Variants in SEPTIN7 observed in about 807,000 individuals in gnomAD.
SEPTIN7 encodes the protein septin 7.
Under a neutral mutation model 63.3 loss-of-function variants are expected in SEPTIN7, and 10 were observed. The ratio of observed to expected loss-of-function variants is 0.16; its 90% CI spans 0.10 to 0.27. SEPTIN7 has a LOEUF of 0.27. Among genes scored for constraint, SEPTIN7 ranks in the 10% least tolerant of loss-of-function variants. SEPTIN7 has a pLI of 1.00. For missense variants in SEPTIN7, 310 were observed against 521.0 expected (o/e 0.59, Z 3.94); for synonymous variants, 131 against 165.3 (o/e 0.79, Z 1.59).
At chr7:35,877,765 C>T (rs1057016170) in intron 6 of SEPTIN7, among the ~76,000 whole-genome samples, 2 of 152,270 alleles carry the variant, frequency 1.3e-5, no homozygotes, top group African/African-American at 4.8e-5. Context: ...TGGGCACCTT[C>T]TTGAGTGTTA....
intron 4 of SEPTIN7, 150 bp downstream of exon 4, chr7:35,863,808 A>T (rs11983171): frequency 0.021 from 7,794 of 369,106 alleles, 242 homozygotes; most frequent in East Asian, 0.09. Context: ...CATAAAATTT[A>T]AAAAAAAAAG....
intron 3 of SEPTIN7, among the ~76,000 whole-genome samples, chr7:35,842,269 G>T (rs1371710914): frequency 6.6e-6 from 1 of 151,800 alleles, no homozygotes; most frequent in Non-Finnish European, 1.5e-5. Flanking sequence ...AGATTGGAAA[G>T]GTATAACCTG....
At chr7:35,843,408 G>A (rs1352305589) in intron 3 of SEPTIN7, among the ~76,000 whole-genome samples, 1 of 152,102 alleles carries the variant, frequency 6.6e-6, no homozygotes, top group African/African-American at 2.4e-5. Flanking sequence ...CTGGGCCACT[G>A]TGGATTTCTC....
At chr7:35,879,358 C>T (rs1786690211) in intron 6 of SEPTIN7, among the ~76,000 whole-genome samples, 1 of 151,872 alleles carries the variant, frequency 6.6e-6, no homozygotes, top group South Asian at 2.1e-4. Flanking sequence ...GTGGTGTGCA[C>T]CTGTAGTCCC....
chr7:35,863,175 A>G (rs748615657), intron 3 of SEPTIN7, among the ~76,000 whole-genome samples: 8 of 152,090 alleles, frequency 5.3e-5, no homozygotes, highest in South Asian at 2.1e-4. Flanking sequence ...TTGATCATTC[A>G]TTATTGTCTA....
intron 3 of SEPTIN7, among the ~76,000 whole-genome samples, chr7:35,854,109 G>A (rs1044957174): frequency 6.6e-6 from 1 of 152,052 alleles, no homozygotes; most frequent in Non-Finnish European, 1.5e-5. Flanking sequence ...TTTCAGATTA[G>A]GGATGCTGAA....
rs537617191 is a variant in SEPTIN7 at position 35,808,303 on chromosome 7, A to T, written c.61+7033A>T. ...GTTCTTCCAAAGGTGTTTTTTGCAT[A>T]TGGAAGTTAAAAACATTTATCCTTC... On this transcript the variant is annotated intron_variant, in intron 1 of 13. Transcript: ENST00000350320. Among the ~76,000 whole-genome samples the T allele has an allele frequency of 5.9e-5, 9 of 152,270 alleles. No homozygotes were observed. In the South Asian group the frequency reaches 1.9e-3, roughly 32 times the overall value.
chr7:35,804,404 G>T (rs1393577251), intron 1 of SEPTIN7, among the ~76,000 whole-genome samples: 1 of 152,210 alleles, frequency 6.6e-6, no homozygotes, highest in African/African-American at 2.4e-5. Context: ...GGGCCAAAGA[G>T]GCAGCTTGGC....
chr7:35,869,637 T>G (rs1397544861), intron 4 of SEPTIN7, among the ~76,000 whole-genome samples: 1 of 152,242 alleles, frequency 6.6e-6, no homozygotes, highest in Non-Finnish European at 1.5e-5. Context: ...TATGACACTG[T>G]ATAATAAACA....
intron 5 of SEPTIN7, 135 bp downstream of exon 5, chr7:35,872,901 T>C: frequency 3.2e-6 from 2 of 619,708 alleles, no homozygotes; most frequent in Non-Finnish European, 5.7e-6. Flanking sequence ...CTTGGGTTTG[T>C]ATACCAACTT....
intron 3 of SEPTIN7, among the ~76,000 whole-genome samples, chr7:35,841,928 T>C (rs1228729424): frequency 1.3e-5 from 2 of 152,194 alleles, no homozygotes; most frequent in African/African-American, 4.8e-5. Context: ...GGTGGGTCCA[T>C]CGTTTTCTTA....
At chr7:35,878,011 G>C (rs1171144696) in intron 6 of SEPTIN7, among the ~76,000 whole-genome samples, 3 of 152,078 alleles carry the variant, frequency 2.0e-5, no homozygotes, top group Non-Finnish European at 4.4e-5. Context: ...ATTGAATACT[G>C]TACTGAAAGT....
chr7:35,826,485 C>A (rs1783523681), intron 1 of SEPTIN7, among the ~76,000 whole-genome samples: 1 of 151,466 alleles, frequency 6.6e-6, no homozygotes, highest in Non-Finnish European at 1.5e-5. Flanking sequence ...TACAAAGTTA[C>A]TAATGTAAAC....
At chr7:35,832,987 A>G (rs1783905913) in intron 3 of SEPTIN7, 87 bp downstream of exon 3, 3 of 749,104 alleles carry the variant, frequency 4.0e-6, no homozygotes, top group Non-Finnish European at 7.2e-6. Context: ...AAACACTGGC[A>G]CAGATATCTA....
intron 10 of SEPTIN7, among the ~76,000 whole-genome samples, chr7:35,888,511 A>T (rs1583630039): frequency 6.6e-6 from 1 of 152,082 alleles, no homozygotes; most frequent in African/African-American, 2.4e-5. Flanking sequence ...TGCAGTGATG[A>T]TATGTAATAT....
chr7:35,879,863 GA>G lies in SEPTIN7; in HGVS notation c.558del (p.Val187Ter). 6.3e-7 allele frequency: 1 copy of G among 1,599,590 alleles called. No individual in the cohort carries two copies. Among genetic ancestry groups the G allele is most frequent in the Non-Finnish European group, 8.5e-7 (1 of 1,172,078 alleles). ...TATTGAGTTTATGAAGCGTTTGCAT[GA>G]AAAAGTGAATATCATCCCACTTATT... ...LDIEFMKRLH[E>X]KVNIIPLIAK... On this transcript the variant is annotated frameshift_variant, in exon 7 of 14. Coordinates refer to ENST00000350320, the MANE Select transcript of SEPTIN7 (RefSeq NM_001788.6). LOFTEE classifies it high-confidence loss of function.
chr7:35,832,669 A>C (rs1337930518), intron 2 of SEPTIN7, 129 bp from the exon 3 acceptor site: 1 of 693,730 alleles, frequency 1.4e-6, no homozygotes, highest in Non-Finnish European at 2.7e-6. Flanking sequence ...TGATAATGCC[A>C]TGAAAGTAGT....
intron 3 of SEPTIN7, among the ~76,000 whole-genome samples, chr7:35,842,712 A>G (rs550342924): frequency 1.5e-3 from 233 of 152,346 alleles, no homozygotes; most frequent in Middle Eastern, 3.4e-3. Context: ...TGCTGAAAAT[A>G]ATGTGTTAAT....
chr7:35,846,761 A>G (rs1243141850), intron 3 of SEPTIN7: 1 of 155,428 alleles, frequency 6.4e-6, no homozygotes. Context: ...GCAAAATTCT[A>G]CTGATTAGAC....
Sources: allele counts gnomAD v4.1 joint callset (sites outside exome capture counted in the v4.1 genomes callset), GRCh38; gene constraint gnomAD v4.1.1; transcripts MANE v1.5; gene names NCBI Gene and HGNC (gene_info 2026-07-23, HGNC 2026-07-21).